Variants in ARHGAP44 observed in about 807,000 individuals in gnomAD.
ARHGAP44 encodes the protein Rho GTPase activating protein 44.
ARHGAP44 carries 43 observed loss-of-function variants against 106.8 expected under a neutral mutation model. That is an observed-to-expected ratio of 0.40 (90% confidence interval 0.32 to 0.52). The LOEUF (loss-of-function observed/expected upper bound fraction) is 0.52. Among genes scored for constraint, ARHGAP44 ranks in the 20% least tolerant of loss-of-function variants. The pLI is 0.48. For missense variants in ARHGAP44, 866 were observed against 1,050.5 expected (o/e 0.82, Z 2.43); for synonymous variants, 439 against 410.3 (o/e 1.07, Z -0.85).
At chr17:12,989,101 CAAA>C (rs71144942) in intron 20 of ARHGAP44, among the ~76,000 whole-genome samples, 88 of 45,162 alleles carry the variant, frequency 1.9e-3, no homozygotes, top group Admixed American at 6.5e-3. Flanking sequence ...CCACCCCCCC[CAAA>C]AAAAAAAAAA....
intron 1 of ARHGAP44, among the ~76,000 whole-genome samples, chr17:12,838,827 A>G (rs2035313757): frequency 6.6e-6 from 1 of 151,876 alleles, no homozygotes; most frequent in Admixed American, 6.6e-5. Flanking sequence ...ACCCACCACC[A>G]TGCGTGGCTA....
intron 1 of ARHGAP44, among the ~76,000 whole-genome samples, chr17:12,863,167 T>TA (rs1043626464): frequency 1.3e-5 from 2 of 151,818 alleles, no homozygotes; most frequent in Non-Finnish European, 2.9e-5. Flanking sequence ...TTTAAAAAAT[T>TA]AAAAAAATTT....
intron 1 of ARHGAP44, among the ~76,000 whole-genome samples, chr17:12,858,403 T>C (rs988602162): frequency 1.3e-5 from 2 of 152,202 alleles, no homozygotes; most frequent in African/African-American, 4.8e-5. Flanking sequence ...CCACATTGGC[T>C]TGGATCTTGC....
chr17:12,954,370 G>A (rs570670526), intron 13 of ARHGAP44, among the ~76,000 whole-genome samples: 33 of 152,318 alleles, frequency 2.2e-4, no homozygotes, highest in Admixed American at 7.2e-4. Flanking sequence ...GATCCGAAGA[G>A]CGGGAATCGG....
intron 1 of ARHGAP44, among the ~76,000 whole-genome samples, chr17:12,840,673 C>T (rs1368786058): frequency 6.6e-6 from 1 of 152,226 alleles, no homozygotes; most frequent in East Asian, 1.9e-4. Flanking sequence ...CAGCTTAGGG[C>T]TCCCACTCAT....
intron 4 of ARHGAP44, among the ~76,000 whole-genome samples, chr17:12,910,757 A>T (rs1309132969): frequency 6.6e-6 from 1 of 151,926 alleles, no homozygotes; most frequent in Non-Finnish European, 1.5e-5. Flanking sequence ...AAAGAATGAT[A>T]TTTTTTTAGA....
At chr17:12,801,872 G>T (rs2034103162) in intron 1 of ARHGAP44, among the ~76,000 whole-genome samples, 1 of 151,646 alleles carries the variant, frequency 6.6e-6, no homozygotes, top group Non-Finnish European at 1.5e-5. Flanking sequence ...TAAAATAAAC[G>T]TGTATTTTAT....
chr17:12,832,975 G>T (rs549807144), intron 1 of ARHGAP44, among the ~76,000 whole-genome samples: 1 of 152,210 alleles, frequency 6.6e-6, no homozygotes, highest in Non-Finnish European at 1.5e-5. Flanking sequence ...CTTCCCCGAC[G>T]ATAGCTATTC....
intron 1 of ARHGAP44, among the ~76,000 whole-genome samples, chr17:12,816,146 C>T (rs923517015): frequency 3.3e-5 from 5 of 152,076 alleles, no homozygotes; most frequent in Admixed American, 6.6e-5. Context: ...GGGAGCCTGC[C>T]ATGAAGGAAG....
At chr17:12,969,053 G>T (rs1424035305) in intron 16 of ARHGAP44, among the ~76,000 whole-genome samples, 1 of 152,140 alleles carries the variant, frequency 6.6e-6, no homozygotes, top group Non-Finnish European at 1.5e-5. Context: ...ATAGGTGTGA[G>T]CCACTGCACC....
chr17:12,973,356 G>A lies in ARHGAP44; in HGVS notation c.1541+37G>A, dbSNP rs759486406. On this transcript the variant is annotated intron_variant, in intron 17 of 20. Transcript: ENST00000379672. Reference sequence around the variant, plus strand: ...TCTGGTAGCTATGAGGCCATGCTCAGTCTCTTCAACTGAGCCACCTATGCA... The same window carrying A: ...TCTGGTAGCTATGAGGCCATGCTCAATCTCTTCAACTGAGCCACCTATGCA... 4 of 1,597,846 alleles carry A rather than the reference G, an allele frequency of 2.5e-6. No homozygotes were observed. In the South Asian group the frequency reaches 3.4e-5, roughly 14 times the overall value.
chr17:12,820,831 G>C (rs2034748475), intron 1 of ARHGAP44, among the ~76,000 whole-genome samples: 1 of 152,170 alleles, frequency 6.6e-6, no homozygotes, highest in Admixed American at 6.6e-5. Flanking sequence ...AGTTATAGAA[G>C]ACCTGAGAAT....
intron 16 of ARHGAP44, among the ~76,000 whole-genome samples, chr17:12,967,550 A>G (rs1030272629): frequency 6.6e-6 from 1 of 152,004 alleles, no homozygotes; most frequent in Non-Finnish European, 1.5e-5. Flanking sequence ...TGCTTGCCCC[A>G]TCACAATACC....
chr17:12,836,370 G>A (rs1367905942), intron 1 of ARHGAP44, among the ~76,000 whole-genome samples: 1 of 152,140 alleles, frequency 6.6e-6, no homozygotes, highest in Non-Finnish European at 1.5e-5. Context: ...AGACATGGCT[G>A]CATGCGGTGG....
intron 1 of ARHGAP44, among the ~76,000 whole-genome samples, chr17:12,797,392 T>A (rs1441787601): frequency 6.6e-6 from 1 of 152,240 alleles, no homozygotes. Flanking sequence ...ACCCACCATA[T>A]TGAAGTATCA....
At chr17:12,814,883 TACTTTTC>T (rs2034553281) in intron 1 of ARHGAP44, among the ~76,000 whole-genome samples, 1 of 152,162 alleles carries the variant, frequency 6.6e-6, no homozygotes, top group South Asian at 2.1e-4. Context: ...AACCCTCCTT[TACTTTTC>T]ACACATCTTA....
intron 20 of ARHGAP44, chr17:12,986,844 C>A (rs1401921626): frequency 2.4e-6 from 1 of 409,924 alleles, no homozygotes; most frequent in Non-Finnish European, 4.4e-6. Flanking sequence ...TTCCATCTTG[C>A]AGGTTTAAGA....
chr17:12,850,161 T>G (rs1183846858), intron 1 of ARHGAP44, among the ~76,000 whole-genome samples: 1 of 152,156 alleles, frequency 6.6e-6, no homozygotes, highest in African/African-American at 2.4e-5. Context: ...TCAGAGAACA[T>G]TTTCCAACCA....
In ARHGAP44 at chr17:12,958,620, C is replaced by T; in HGVS notation, c.1343-97C>T. ...ATGGGATGAAATTTTCTAGGGATGA[C>T]ATACGAGGGAGTGGGTGTCTGGACT... On this transcript the variant is annotated intron_variant, in intron 15 of 20. Transcript: ENST00000379672. This position sits in a 1 kb window ranked among gnomAD's most constrained non-coding sequence, Gnocchi z 4.1. The T allele has an allele frequency of 8.5e-7, 1 of 1,170,730 alleles. No individual in the cohort carries two copies. The highest frequency in any genetic ancestry group is 1.2e-6 in the Non-Finnish European group (1 of 819,652). The allele number at this position is 1,170,730 out of a possible 1,614,324, so 72.5% of individuals were successfully genotyped here.
Sources: allele counts gnomAD v4.1 joint callset (sites outside exome capture counted in the v4.1 genomes callset), GRCh38; gene constraint gnomAD v4.1.1; non-coding constraint Gnocchi (gnomAD v3.1); transcripts MANE v1.5; gene names NCBI Gene and HGNC (gene_info 2026-07-23, HGNC 2026-07-21).